Variants in APOL5 observed in about 807,000 individuals in gnomAD.
The protein encoded by APOL5 is apolipoprotein L, 5.
In APOL5, 29 loss-of-function variants were observed where a neutral mutation model predicts 35.5. The ratio of observed to expected loss-of-function variants is 0.82; its 90% CI spans 0.61 to 1.11. The LOEUF is 1.11. Ranked by LOEUF, APOL5 falls within the 50% of genes most tolerant of loss-of-function variation. The probability of loss-of-function intolerance (pLI) is 0.00; values close to 1 mark genes in which losing one functional copy is unlikely to be tolerated. For synonymous variants in APOL5, 188 were observed against 200.2 expected (o/e 0.94, Z 0.51); for missense variants, 514 against 530.4 (o/e 0.97, Z 0.30).
In APOL5 at chr22:35,728,708, A is replaced by G; in HGVS notation, c.1127-15A>G. On this transcript the variant is annotated splice_polypyrimidine_tract_variant and intron_variant, in intron 3 of 4. Coordinates refer to ENST00000249044, the MANE Select transcript of APOL5 (RefSeq NM_030642.1). ...TTCTTGGAAGTTGTAAGACACAGGG[A>G]CTCATGTTCCACAGGGTCTCGCTCA... is the stretch of plus-strand genomic sequence containing the variant. 6.2e-7 allele frequency: 1 copy of G among 1,608,276 alleles called. No individual in the cohort carries two copies. Among genetic ancestry groups the G allele is most frequent in the African/African-American group, 1.3e-5 (1 of 74,688 alleles).
the APOL5 span, among the ~76,000 whole-genome samples, chr22:35,709,211 A>C: frequency 1.3e-5 from 2 of 152,244 alleles, no homozygotes; most frequent in East Asian, 3.8e-4. Flanking sequence ...GTTTTGAATA[A>C]AAAGCTAATG....
At chr22:35,711,648 C>CCTTCCTTCCT in the APOL5 span, among the ~76,000 whole-genome samples, 285 of 19,928 alleles carry the variant, frequency 0.014, 4 homozygotes, top group African/African-American at 0.07. Context: ...CCTTCCTTCC[C>CCTTCCTTCCT]TCCCTCCCTC....
At chr22:35,714,428 A>G (rs1926679940), upstream of APOL5, among the ~76,000 whole-genome samples, 1 of 152,228 alleles carries the variant, frequency 6.6e-6, no homozygotes, top group Non-Finnish European at 1.5e-5. Flanking sequence ...TGAGAATTCC[A>G]GAAGTGCCTA....
At chr22:35,715,946 T>C (rs573844553), upstream of APOL5, among the ~76,000 whole-genome samples, 2 of 152,194 alleles carry the variant, frequency 1.3e-5, no homozygotes, top group African/African-American at 4.8e-5. Context: ...GTTGAATAAT[T>C]ATAACAAAAA....
chr22:35,720,565 C>T lies in APOL5; in HGVS notation c.56-3C>T. On this transcript the variant is annotated splice_polypyrimidine_tract_variant and splice_region_variant and intron_variant, in intron 1 of 4. Transcript: ENST00000249044. ...AATGTCCCTGATCCTTGTCCATCTC[C>T]AGGCTTGGGAGAAGGTTGTAAAGAA... 3 of 1,614,022 alleles carry T rather than the reference C, an allele frequency of 1.9e-6. No homozygotes were observed. The highest frequency in any genetic ancestry group is 2.5e-6 in the Non-Finnish European group (3 of 1,179,928).
intron 1 of APOL5, among the ~76,000 whole-genome samples, chr22:35,718,709 G>A (rs993612189): frequency 6.6e-6 from 1 of 151,114 alleles, no homozygotes; most frequent in African/African-American, 2.4e-5. Context: ...AAAAATAATA[G>A]TTATAACAAC....
At chr22:35,728,546 T>A (rs955186028) in intron 3 of APOL5, among the ~76,000 whole-genome samples, 177 bp from the exon 4 acceptor site, 1 of 152,192 alleles carries the variant, frequency 6.6e-6, no homozygotes, top group Non-Finnish European at 1.5e-5. Context: ...TTTAAAGATC[T>A]CCAGGTAATT....
Position 35,726,755 on chromosome 22 carries a change from TG to T in APOL5, c.688del (p.Val230LeufsTer5). On this transcript the variant is annotated frameshift_variant, in exon 3 of 5. Transcript: ENST00000249044. LOFTEE classifies it high-confidence loss of function. Reference sequence around the variant, plus strand: ...CTGAAATCGAGGCTGCTGGCTTTTGTGTTAATAAGTGTGTAAAAGCTATCCA... The same window carrying T: ...CTGAAATCGAGGCTGCTGGCTTTTGTTTAATAAGTGTGTAAAAGCTATCCA... ...WSEIEAAGFC[V>X]NKCVKAIQGI... The T allele has an allele frequency of 6.2e-7, 1 of 1,614,226 alleles. No homozygotes were observed. The highest frequency in any genetic ancestry group is 8.5e-7 in the Non-Finnish European group (1 of 1,180,044).
At chr22:35,714,003 C>T (rs1926666398), upstream of APOL5, among the ~76,000 whole-genome samples, 1 of 152,130 alleles carries the variant, frequency 6.6e-6, no homozygotes, top group Non-Finnish European at 1.5e-5. Context: ...CAGATACATA[C>T]TCAAGTCAGA....
chr22:35,726,761 T>C lies in APOL5; in HGVS notation c.693T>C (p.Asn231=), dbSNP rs1427570130. 1.2e-6 allele frequency: 2 copies of C among 1,614,078 alleles called. No individual in the cohort carries two copies. Among genetic ancestry groups the C allele is most frequent in the Non-Finnish European group, 1.7e-6 (2 of 1,180,042 alleles). ...TCGAGGCTGCTGGCTTTTGTGTTAA[T>C]AAGTGTGTAAAAGCTATCCAGGGCA... The part of the protein sequence containing the change: ...SEIEAAGFCV[N]KCVKAIQGIK... The change falls in exon 3 of 5, where the codon AAT becomes AAC. Residue 231 remains asparagine, a synonymous_variant. Coordinates refer to ENST00000249044, the MANE Select transcript of APOL5 (RefSeq NM_030642.1).
chr22:35,722,177 C>T (rs138533659), intron 2 of APOL5, among the ~76,000 whole-genome samples: 1 of 152,346 alleles, frequency 6.6e-6, no homozygotes, highest in East Asian at 1.9e-4. Flanking sequence ...CTGGCCAATG[C>T]ATGCTGCATG....
the APOL5 span, among the ~76,000 whole-genome samples, chr22:35,709,435 G>A: frequency 6.6e-6 from 1 of 152,100 alleles, no homozygotes; most frequent in Non-Finnish European, 1.5e-5. Context: ...GTAGGCGCCA[G>A]TCTGTTGTTT....
chr22:35,716,956 A>G (rs1428893070), upstream of APOL5, among the ~76,000 whole-genome samples: 1 of 148,786 alleles, frequency 6.7e-6, no homozygotes, highest in Admixed American at 6.7e-5. Flanking sequence ...TCTTTATACA[A>G]CTTCAAATAA....
Position 35,717,878 on chromosome 22 carries a change from T to C in APOL5, c.7T>C (p.Cys3Arg). Residue 3 changes from cysteine to arginine, a missense_variant, in exon 1 of 5, where the codon TGT becomes CGT. Transcript: ENST00000249044. ...ATTTTAAAAAATCTAAAGCATGCCA[T>C]GTGGCAAACAAGGAAATTTGCAAGT... The part of the protein sequence containing the change: MP[C>R]GKQGNLQVPG... The C allele has an allele frequency of 1.3e-6, 2 of 1,578,748 alleles. No homozygotes were observed. Among genetic ancestry groups the C allele is most frequent in the Non-Finnish European group, 1.7e-6 (2 of 1,162,200 alleles).
At chr22:35,727,221 G>A (rs201248573) in intron 3 of APOL5, 27 bp downstream of exon 3, 278 of 1,576,612 alleles carry the variant, frequency 1.8e-4, no homozygotes, top group Non-Finnish European at 2.4e-4. Flanking sequence ...TAACACGGAC[G>A]TGGTCTTGCT....
chr22:35,714,033 C>T (rs142519247), upstream of APOL5, among the ~76,000 whole-genome samples: 39 of 152,262 alleles, frequency 2.6e-4, no homozygotes, highest in Admixed American at 2.4e-3. Context: ...CTGTGTTGGC[C>T]GGGCGCGGTG....
rs772489546 is a variant in APOL5 at position 35,728,915 on chromosome 22, C to T, written c.*6+11C>T. On this transcript the variant is annotated intron_variant, in intron 4 of 4. Transcript: ENST00000249044. Reference sequence around the variant, plus strand: ...CGACAATGAGAAGAGGTAAGTGGGACGCAAGGAAGCCAGGAGCTGTGGGAA... The same window carrying T: ...CGACAATGAGAAGAGGTAAGTGGGATGCAAGGAAGCCAGGAGCTGTGGGAA... 4.8e-5 allele frequency: 76 copies of T among 1,570,594 alleles called. No homozygotes were observed. The highest frequency in any genetic ancestry group is 8.3e-5 in the African/African-American group (6 of 72,638).
rs572768986 is a variant in APOL5, at chr22:35,722,031, G to T, written c.142+1377G>T. ...GTCCTTGGCCCAGCCTCCCTCTACTGTTCTCTCTCCCACCTCCACTGTCAA... is the reference window on the plus strand; with the variant it reads ...GTCCTTGGCCCAGCCTCCCTCTACTTTTCTCTCTCCCACCTCCACTGTCAA... On this transcript the variant is annotated intron_variant, in intron 2 of 4. Transcript: ENST00000249044. Among the ~76,000 whole-genome samples the T allele has an allele frequency of 2.3e-4, 35 of 152,246 alleles. 1 individual carries two copies. In the South Asian group the frequency reaches 5.8e-3, roughly 25 times the overall value.
chr22:35,721,680 G>C (rs1421232074), intron 2 of APOL5, among the ~76,000 whole-genome samples: 1 of 152,044 alleles, frequency 6.6e-6, no homozygotes, highest in Non-Finnish European at 1.5e-5. Context: ...TTCCTTCCTG[G>C]GTCTGCCTTC....
Sources: allele counts gnomAD v4.1 joint callset (sites outside exome capture counted in the v4.1 genomes callset), GRCh38; gene constraint gnomAD v4.1.1; transcripts MANE v1.5; gene names NCBI Gene and HGNC (gene_info 2026-07-23, HGNC 2026-07-21).